The following KCNH7 variants were observed in gnomAD, a reference collection of about 807,000 sequenced individuals.
KCNH7 encodes the protein potassium voltage-gated channel subfamily H member 7.
KCNH7 carries 49 observed loss-of-function variants against 120.8 expected under a neutral mutation model. The ratio of observed to expected loss-of-function variants is 0.41; its 90% CI spans 0.32 to 0.51. The LOEUF (loss-of-function observed/expected upper bound fraction) is 0.51, where lower values mean the gene tolerates loss of function less well. KCNH7 is among the 20% of genes least tolerant of loss of function. The pLI is 0.38. For synonymous variants in KCNH7, 547 were observed against 516.1 expected, an observed-to-expected ratio of 1.06 and a Z score of -0.81; for missense variants, 1,097 against 1,446.6, an observed-to-expected ratio of 0.76 and a Z score of 3.92.
At position 162,577,354 on chromosome 2, in the gene KCNH7, T is replaced by TATCC. The variant is rs1489560906; in HGVS notation, c.308-40275_308-40274insGGAT. Among the ~76,000 whole-genome samples the TATCC allele has an allele frequency of 1.4e-4, 9 of 63,260 alleles. No individual in the cohort carries two copies. In the East Asian group the frequency reaches 2.5e-3, roughly 17 times the overall value. The allele number at this position is 63,260 out of a possible 152,430, so 41.5% of individuals were successfully genotyped here. A position where few individuals can be genotyped will look rare whatever the true frequency, so the allele number is the denominator to read the frequency against. On this transcript the variant is annotated intron_variant, in intron 2 of 15. Coordinates refer to ENST00000332142, the MANE Select transcript of KCNH7 (RefSeq NM_033272.4). ...CTGTCTATCATCTATCCATCCTATC[T>TATCC]ATCTATCTATCTATCTATCTATCTA... is the stretch of plus-strand genomic sequence containing the variant.
At chr2:162,809,856 C>T (rs543657212) in intron 2 of KCNH7, among the ~76,000 whole-genome samples, 1 of 151,442 alleles carries the variant, frequency 6.6e-6, no homozygotes, top group African/African-American at 2.4e-5. Flanking sequence ...ATTTTAGTTG[C>T]TATCGATTTA....
At chr2:162,826,862 A>C (rs748967227) in intron 2 of KCNH7, among the ~76,000 whole-genome samples, 4 of 152,220 alleles carry the variant, frequency 2.6e-5, no homozygotes, top group Non-Finnish European at 4.4e-5. Context: ...CCAATAGAGA[A>C]AAGGAAAACA....
chr2:162,485,033 G>A (rs1445241448), intron 6 of KCNH7, among the ~76,000 whole-genome samples: 10 of 152,144 alleles, frequency 6.6e-5, no homozygotes, highest in Admixed American at 5.9e-4. Context: ...CACATGAAAA[G>A]AAAACAGGAA....
At chr2:162,801,771 C>A (rs1178197509) in intron 2 of KCNH7, among the ~76,000 whole-genome samples, 1 of 151,668 alleles carries the variant, frequency 6.6e-6, no homozygotes, top group Non-Finnish European at 1.5e-5. Context: ...AAACCCTACA[C>A]AAGGAAAATC....
chr2:162,776,041 C>T (rs1683223097), intron 2 of KCNH7, among the ~76,000 whole-genome samples: 1 of 152,174 alleles, frequency 6.6e-6, no homozygotes, highest in Non-Finnish European at 1.5e-5. Context: ...GCAGTCCACA[C>T]ATATTGGCTG....
intron 9 of KCNH7, among the ~76,000 whole-genome samples, chr2:162,409,960 G>A (rs1242131125): frequency 1.3e-5 from 2 of 152,022 alleles, no homozygotes; most frequent in Admixed American, 1.3e-4. Flanking sequence ...AACATTTCAT[G>A]CTCATGGATA....
At chr2:162,637,758 C>T (rs924317440) in intron 2 of KCNH7, among the ~76,000 whole-genome samples, 1 of 151,930 alleles carries the variant, frequency 6.6e-6, no homozygotes, top group African/African-American at 2.4e-5. Context: ...GTGCTGATCT[C>T]TATCTGATCT....
At chr2:162,826,960 T>A (rs772379503) in intron 2 of KCNH7, among the ~76,000 whole-genome samples, 7 of 151,850 alleles carry the variant, frequency 4.6e-5, no homozygotes, top group Non-Finnish European at 7.4e-5. Context: ...TGCTTAAAAG[T>A]GGAGGAGAGT....
intron 2 of KCNH7, among the ~76,000 whole-genome samples, chr2:162,687,585 C>A (rs1371355761): frequency 2.0e-5 from 3 of 152,012 alleles, no homozygotes; most frequent in African/African-American, 7.2e-5. Flanking sequence ...ACCTTGGTAG[C>A]TTGAGATCAG....
chr2:162,582,936 G>A (rs1442036319), intron 2 of KCNH7, among the ~76,000 whole-genome samples: 1 of 152,050 alleles, frequency 6.6e-6, no homozygotes, highest in Non-Finnish European at 1.5e-5. Flanking sequence ...TGATATAATT[G>A]CTTGCTCATA....
At chr2:162,380,107 A>C in intron 13 of KCNH7, 86 bp from the exon 14 acceptor site, 1 of 1,492,252 alleles carries the variant, frequency 6.7e-7, no homozygotes. Context: ...ACAAGCTGGA[A>C]AGGATCGGAG....
intron 2 of KCNH7, among the ~76,000 whole-genome samples, chr2:162,584,055 A>ATTTTATGTC (rs1693954576): frequency 1.3e-5 from 2 of 152,124 alleles, no homozygotes; most frequent in Non-Finnish European, 2.9e-5. Context: ...GCTGTAAATA[A>ATTTTATGTC]TTTTATGTCC....
intron 2 of KCNH7, among the ~76,000 whole-genome samples, chr2:162,556,882 T>TA (rs1173247421): frequency 2.0e-5 from 3 of 152,242 alleles, no homozygotes; most frequent in Non-Finnish European, 4.4e-5. Context: ...GGATTTAGTT[T>TA]AAAAATTATG....
rs74634719 is a variant in KCNH7 at position 162,489,257 on chromosome 2, A to G, written c.1128+15186T>C. Among the ~76,000 whole-genome samples the G allele has an allele frequency of 2.3e-3, 344 of 152,242 alleles. 1 individual carries two copies. The highest frequency in any genetic ancestry group is 7.9e-3 in the African/African-American group (330 of 41,532). On this transcript the variant is annotated intron_variant, in intron 6 of 15. Transcript: ENST00000332142. ...TGTAAAATGTTTTTATTTTTTCCTC[A>G]TCATTGACCAGAATCAGGGATGTCC...
chr2:162,813,397 T>C (rs909425818), intron 2 of KCNH7, among the ~76,000 whole-genome samples: 2 of 152,144 alleles, frequency 1.3e-5, no homozygotes, highest in Non-Finnish European at 2.9e-5. Context: ...CACTGAAAAC[T>C]AGGGAAGAAA....
At chr2:162,781,932 T>C (rs1030424685) in intron 2 of KCNH7, among the ~76,000 whole-genome samples, 3 of 152,180 alleles carry the variant, frequency 2.0e-5, no homozygotes, top group African/African-American at 7.2e-5. Flanking sequence ...ACATTGCAGG[T>C]CTCCTCACTG....
chr2:162,528,649 T>C (rs1691800485), intron 3 of KCNH7, among the ~76,000 whole-genome samples: 1 of 151,950 alleles, frequency 6.6e-6, no homozygotes, highest in Non-Finnish European at 1.5e-5. Flanking sequence ...TATCCATGCA[T>C]AGGGCTTTGG....
intron 12 of KCNH7, among the ~76,000 whole-genome samples, chr2:162,392,436 T>A (rs377013285): frequency 2.0e-5 from 3 of 151,820 alleles, no homozygotes; most frequent in South Asian, 2.1e-4. Flanking sequence ...AGCTAGTAGA[T>A]GATCTCTTCT....
intron 2 of KCNH7, among the ~76,000 whole-genome samples, chr2:162,730,069 C>A (rs1441271381): frequency 1.4e-5 from 2 of 147,816 alleles, no homozygotes; most frequent in Non-Finnish European, 1.5e-5. Context: ...AATTATATTA[C>A]AGTAATAAAA....
Sources: gnomAD v4.1 joint callset for allele counts (sites outside exome capture counted in the v4.1 genomes callset) on GRCh38, gnomAD v4.1.1 for gene constraint, MANE v1.5 for transcripts, NCBI Gene and HGNC (gene_info 2026-07-23, HGNC 2026-07-21) for gene names.